SLFN12L: variants seen among roughly 807,000 people sequenced by gnomAD.
SLFN12L encodes schlafen family member 12-like.
Under a neutral mutation model 34.8 loss-of-function variants are expected in SLFN12L, and 34 were observed. The observed-to-expected ratio is 0.98, with a 90% confidence interval of 0.74 to 1.30. SLFN12L has a LOEUF of 1.30. Among genes scored for constraint, SLFN12L ranks in the 50% most tolerant of loss-of-function variants. The probability of loss-of-function intolerance (pLI) is 0.00; values close to 1 mark genes in which losing one functional copy is unlikely to be tolerated. For missense variants in SLFN12L, 703 were observed against 696.2 expected (o/e 1.01, Z -0.11); for synonymous variants, 259 against 247.5 (o/e 1.05, Z -0.44).
At chr17:35,524,780 A>G (rs1470344325) in intron 1 of SLFN12L, among the ~76,000 whole-genome samples, 1 of 152,198 alleles carries the variant, frequency 6.6e-6, no homozygotes, top group Admixed American at 6.5e-5. Flanking sequence ...GAAAATTCCA[A>G]AAACCAGAAT....
rs1913758897 is a variant in SLFN12L at position 35,469,066 on chromosome 17, G to C, written c.*5857C>G. Among the ~76,000 whole-genome samples the C allele has an allele frequency of 6.6e-6, 1 of 151,420 alleles. No homozygotes were observed. The highest frequency in any genetic ancestry group is 2.4e-5 in the African/African-American group (1 of 41,130). On this transcript the variant is annotated 3_prime_UTR_variant, in exon 5 of 5. Transcript: ENST00000628453. ...ATAGTATTGCCTTTCTCTGAAGGCT[G>C]TTGCCTCCTGAGTCAATCCCTCAAC...
chr17:35,495,147 G>T (rs994397040), intron 2 of SLFN12L, among the ~76,000 whole-genome samples: 1 of 152,074 alleles, frequency 6.6e-6, no homozygotes, highest in African/African-American at 2.4e-5. Context: ...CAATCTGCCC[G>T]CCTTGGCCTC....
intron 1 of SLFN12L, among the ~76,000 whole-genome samples, chr17:35,534,126 G>T (rs1337287908): frequency 1.3e-5 from 2 of 152,086 alleles, no homozygotes; most frequent in African/African-American, 4.8e-5. Flanking sequence ...ACTTTGGGAG[G>T]CCCTGGTGGG....
In SLFN12L at chr17:35,479,156, C is replaced by A; in HGVS notation, c.1126G>T (p.Glu376Ter). ...ACCATGAACTGGATCCATTCCTTCT[C>A]GGTCAACTGCTTAACTCTGTTATCT... ...VKDNRVKQLT[E>*]KEWIQFMVDS... is the part of the protein sequence containing the mutation. Residue 376 changes from glutamate to a stop codon, truncating the protein, a stop_gained, in exon 3 of 5, where the codon GAG (glutamate) becomes TAG (stop). Coordinates refer to ENST00000628453, the MANE Select transcript of SLFN12L (RefSeq NM_001363830.2). LOFTEE classifies it high-confidence loss of function. 6.4e-7 allele frequency: 1 copy of A among 1,571,596 alleles called. No homozygotes were observed.
rs746719976 is a variant in SLFN12L at position 35,475,108 on chromosome 17, G to A, written c.1654C>T (p.Gln552Ter). ...YLSPEGKTSCQYDLNSQVIYP... is the reference protein window; with the variant it reads ...YLSPEGKTSC ...ATTACTTGCGAGTTTAAATCATACT[G>A]GCAGCTTGTCTTGCCTTCAGGGCTC... Residue 552 changes from glutamine to a stop codon, truncating the protein, a stop_gained, in exon 5 of 5, where the codon CAG (glutamine) becomes TAG (stop). Transcript: ENST00000628453. LOFTEE classifies it low-confidence loss of function (END_TRUNC). The A allele has an allele frequency of 6.2e-7, 1 of 1,614,200 alleles. No individual in the cohort carries two copies. Among genetic ancestry groups the A allele is most frequent in the Admixed American group, 1.7e-5 (1 of 60,020 alleles).
intron 2 of SLFN12L, among the ~76,000 whole-genome samples, chr17:35,518,306 T>C (rs1489628472): frequency 6.6e-6 from 1 of 152,140 alleles, no homozygotes; most frequent in Non-Finnish European, 1.5e-5. Context: ...AATCCCAGCA[T>C]TTTGGGATGC....
At chr17:35,490,416 T>C in intron 2 of SLFN12L, 1 of 1,230,764 alleles carries the variant, frequency 8.1e-7, no homozygotes, top group Non-Finnish European at 1.2e-6. Flanking sequence ...AGTCACCCGA[T>C]GGGGTCTTGG....
At chr17:35,491,022 C>A (rs1360986234) in intron 2 of SLFN12L, 2 of 788,984 alleles carry the variant, frequency 2.5e-6, no homozygotes, top group Non-Finnish European at 4.7e-6. Context: ...GCCTCCCCAG[C>A]CAACCTCTTA....
chr17:35,496,606 A>C (rs1381734961), intron 2 of SLFN12L, among the ~76,000 whole-genome samples: 2 of 150,678 alleles, frequency 1.3e-5, no homozygotes, highest in African/African-American at 4.9e-5. Context: ...GGGGCGGAAG[A>C]TCGAGCCCCA....
At chr17:35,502,444 C>T (rs572145479) in intron 2 of SLFN12L, among the ~76,000 whole-genome samples, 19 of 65,994 alleles carry the variant, frequency 2.9e-4, no homozygotes, top group African/African-American at 1.0e-3. Context: ...AAAAAAAAAA[C>T]GATGATTTAA....
intron 1 of SLFN12L, among the ~76,000 whole-genome samples, chr17:35,532,495 T>C: frequency 6.6e-6 from 1 of 150,876 alleles, no homozygotes; most frequent in Middle Eastern, 3.2e-3. Flanking sequence ...AAATTGATAG[T>C]GCAGATAAAT....
intron 2 of SLFN12L, among the ~76,000 whole-genome samples, chr17:35,497,549 A>G (rs1272050952): frequency 1.3e-5 from 2 of 152,310 alleles, no homozygotes; most frequent in Admixed American, 6.5e-5. Context: ...ATTCATTTCC[A>G]TTATAACCCA....
At chr17:35,530,504 GAA>G (rs1437001352) in intron 1 of SLFN12L, among the ~76,000 whole-genome samples, 1 of 33,040 alleles carries the variant, frequency 3.0e-5, no homozygotes, top group African/African-American at 8.3e-5. Context: ...AAGAAAGAAA[GAA>G]AGAAAGAAAA....
chr17:35,532,337 G>A (rs2072419361), intron 1 of SLFN12L, among the ~76,000 whole-genome samples: 1 of 151,876 alleles, frequency 6.6e-6, no homozygotes, highest in South Asian at 2.1e-4. Flanking sequence ...CTACTTGGGA[G>A]GCTGAGGAAG....
At position 35,479,775 on chromosome 17, in the gene SLFN12L, G is replaced by A. The variant is rs1441326356; in HGVS notation, c.507C>T (p.Tyr169=). 25 of 1,613,640 alleles carry A rather than the reference G, an allele frequency of 1.5e-5. No homozygotes were observed. Among genetic ancestry groups the A allele is most frequent in the Non-Finnish European group, 1.9e-5 (23 of 1,179,814 alleles). ...PQIATLSSSL[Y]KRDVTSAKVM... The stretch of plus-strand genomic sequence containing the variant: ...CTTTTGCAGACGTTACATCTCTCTT[G>A]TACAAACTGGAGCTCAACGTGGCAA... Residue 169 remains tyrosine (Y), a synonymous_variant, in exon 3 of 5, where the codon TAC becomes TAT. Transcript: ENST00000628453.
rs1429194666 is a variant in SLFN12L at position 35,474,689 on chromosome 17, G to C, written c.*234C>G. 4 of 320,212 alleles carry C rather than the reference G, an allele frequency of 1.2e-5. No individual in the cohort carries two copies. The highest frequency in any genetic ancestry group is 2.3e-5 in the Non-Finnish European group (4 of 172,850). 19.8% of individuals were successfully genotyped at this position (320,212 alleles called of 1,614,324 possible). A position where few individuals can be genotyped will look rare whatever the true frequency, so the allele number is the denominator to read the frequency against. On this transcript the variant is annotated 3_prime_UTR_variant, in exon 5 of 5. Coordinates refer to ENST00000628453, the MANE Select transcript of SLFN12L (RefSeq NM_001363830.2). Reference sequence around the variant, plus strand: ...GTACTCCTAGCACTTTGGGAGACCGGGGGGGGGGGTTGAATCACGAGGTCA... The same window carrying C: ...GTACTCCTAGCACTTTGGGAGACCGCGGGGGGGGGTTGAATCACGAGGTCA...
At chr17:35,483,286 T>C (rs556386360) in intron 2 of SLFN12L, among the ~76,000 whole-genome samples, 1 of 152,252 alleles carries the variant, frequency 6.6e-6, no homozygotes, top group South Asian at 2.1e-4. Context: ...GTCCTAACAT[T>C]TAATAAAGCT....
At chr17:35,502,423 A>AC (rs887369790) in intron 2 of SLFN12L, among the ~76,000 whole-genome samples, 1 of 143,862 alleles carries the variant, frequency 7.0e-6, no homozygotes, top group African/African-American at 2.7e-5. Flanking sequence ...AAGGAAAAAA[A>AC]AAAAAAAAAA....
chr17:35,520,694 C>T (rs549583390), intron 2 of SLFN12L, among the ~76,000 whole-genome samples: 12 of 151,742 alleles, frequency 7.9e-5, no homozygotes, highest in Admixed American at 1.3e-4. Context: ...TGCAGTGAGC[C>T]GAGATCATAC....
Sources: gnomAD v4.1 joint callset for allele counts (sites outside exome capture counted in the v4.1 genomes callset) on GRCh38, gnomAD v4.1.1 for gene constraint, MANE v1.5 for transcripts, NCBI Gene and HGNC (gene_info 2026-07-23, HGNC 2026-07-21) for gene names.